KCNC2: variants seen among roughly 807,000 people sequenced by gnomAD.
The protein encoded by KCNC2 is voltage-gated potassium channel KCNC2.
In KCNC2, 21 loss-of-function variants were observed where a neutral mutation model predicts 44.5. The ratio of observed to expected loss-of-function variants is 0.47; its 90% confidence interval spans 0.33 to 0.68. The LOEUF (loss-of-function observed/expected upper bound fraction) is 0.68. Ranked by LOEUF, KCNC2 falls within the 30% of genes least tolerant of loss-of-function variation. KCNC2 has a pLI of 0.01. For missense variants in KCNC2, 589 were observed against 826.2 expected, an observed-to-expected ratio of 0.71 and a Z score of 3.52; for synonymous variants, 391 against 339.1, an observed-to-expected ratio of 1.15 and a Z score of -1.68.
intron 2 of KCNC2, among the ~76,000 whole-genome samples, chr12:75,101,425 G>A (rs1009594681): frequency 2.0e-5 from 3 of 152,028 alleles, no homozygotes; most frequent in African/African-American, 7.2e-5. Flanking sequence ...GCCACATCTT[G>A]TTTCAGAGTT....
chr12:75,068,337 G>C (rs1425816961), intron 2 of KCNC2, among the ~76,000 whole-genome samples: 2 of 152,158 alleles, frequency 1.3e-5, no homozygotes, highest in Admixed American at 1.3e-4. Flanking sequence ...GGACTTTGGG[G>C]AGAAAAGACT....
At chr12:75,093,621 G>A (rs1025845056) in intron 2 of KCNC2, among the ~76,000 whole-genome samples, 1 of 151,546 alleles carries the variant, frequency 6.6e-6, no homozygotes, top group Non-Finnish European at 1.5e-5. Flanking sequence ...TTATGAAGTG[G>A]TCAAAGATGC....
intron 2 of KCNC2, among the ~76,000 whole-genome samples, chr12:75,114,912 G>A (rs924171377): frequency 2.2e-5 from 3 of 137,204 alleles, no homozygotes. Flanking sequence ...CACCCAGGCT[G>A]GAGTGCAGTG....
At chr12:75,151,956 T>C (rs1890429994) in intron 2 of KCNC2, among the ~76,000 whole-genome samples, 2 of 146,196 alleles carry the variant, frequency 1.4e-5, no homozygotes, top group East Asian at 2.0e-4. Flanking sequence ...ATATATAATA[T>C]ATTATATATT....
At chr12:75,062,415 T>G (rs1882436802) in intron 2 of KCNC2, among the ~76,000 whole-genome samples, 1 of 152,144 alleles carries the variant, frequency 6.6e-6, no homozygotes, top group Non-Finnish European at 1.5e-5. Context: ...TTTTCATTTG[T>G]CTTCTAGATT....
chr12:75,072,450 T>C (rs1475249187), intron 2 of KCNC2, among the ~76,000 whole-genome samples: 1 of 152,198 alleles, frequency 6.6e-6, no homozygotes, highest in Non-Finnish European at 1.5e-5. Flanking sequence ...AATTATACTT[T>C]AGAAATATGT....
chr12:75,154,375 G>A (rs1249581259), intron 2 of KCNC2, among the ~76,000 whole-genome samples: 2 of 151,934 alleles, frequency 1.3e-5, no homozygotes, highest in East Asian at 1.9e-4. Flanking sequence ...CTGAGATTTA[G>A]GAAACCTTAG....
intron 2 of KCNC2, among the ~76,000 whole-genome samples, chr12:75,198,343 T>C (rs2030952808): frequency 6.6e-6 from 1 of 151,874 alleles, no homozygotes; most frequent in East Asian, 1.9e-4. Flanking sequence ...AATTATAAAG[T>C]TATAATATAT....
At chr12:75,079,084 T>G (rs1592822266) in intron 2 of KCNC2, among the ~76,000 whole-genome samples, 1 of 152,236 alleles carries the variant, frequency 6.6e-6, no homozygotes, top group East Asian at 1.9e-4. Flanking sequence ...AGAAGTAGAA[T>G]TGCTTGTTTT....
In KCNC2 at chr12:75,203,573, A is replaced by G. The variant is rs189975098; in HGVS notation, c.687+3724T>C. 5.8e-3 allele frequency among the ~76,000 whole-genome samples: 887 copies of G among 151,966 alleles called. 5 individuals carry two copies. Among genetic ancestry groups the G allele is most frequent in the Non-Finnish European group, 0.01 (689 of 67,748 alleles). ...GCTAGAAACACATCAAAAAGGCAAC[A>G]TCTTAAGTGGGGTTCCATGGCAGTT... On this transcript the variant is annotated intron_variant, in intron 2 of 4. Coordinates refer to ENST00000549446, the MANE Select transcript of KCNC2 (RefSeq NM_139137.4).
chr12:75,171,034 G>A (rs772735175), intron 2 of KCNC2, among the ~76,000 whole-genome samples: 1 of 150,438 alleles, frequency 6.6e-6, no homozygotes, highest in Non-Finnish European at 1.5e-5. Flanking sequence ...AACCACCTGG[G>A]CCTCTCACAA....
intron 2 of KCNC2, among the ~76,000 whole-genome samples, chr12:75,202,708 T>C (rs998715319): frequency 2.0e-5 from 3 of 150,734 alleles, no homozygotes; most frequent in African/African-American, 7.3e-5. Context: ...TAATATTTTG[T>C]AATAAAATAA....
At position 75,042,307 on chromosome 12, in the gene KCNC2, A is replaced by G. The variant is rs199959334; in HGVS notation, c.*798T>C. 8 of 1,611,340 alleles carry G rather than the reference A, an allele frequency of 5.0e-6. No homozygotes were observed. The highest frequency in any genetic ancestry group is 6.8e-6 in the Non-Finnish European group (8 of 1,178,390). On this transcript the variant is annotated 3_prime_UTR_variant, in exon 5 of 5. Transcript: ENST00000549446. The stretch of plus-strand genomic sequence containing the variant: ...TTCTCTCATGTTTTGTGCCTTCCCC[A>G]AGTCATTAAGTAAGAGATCTGGCCT...
At chr12:75,072,179 G>A (rs1883485549) in intron 2 of KCNC2, among the ~76,000 whole-genome samples, 1 of 152,118 alleles carries the variant, frequency 6.6e-6, no homozygotes, top group Non-Finnish European at 1.5e-5. Context: ...TGCTGCCTGT[G>A]TTGCCTGCCA....
intron 2 of KCNC2, among the ~76,000 whole-genome samples, chr12:75,190,413 G>A (rs2030083785): frequency 6.6e-6 from 1 of 152,096 alleles, no homozygotes; most frequent in Non-Finnish European, 1.5e-5. Flanking sequence ...AGTTCAGGAG[G>A]TGATGCTAAC....
intron 3 of KCNC2, among the ~76,000 whole-genome samples, chr12:75,050,024 T>A (rs1034100900): frequency 2.0e-5 from 3 of 151,884 alleles, no homozygotes; most frequent in African/African-American, 7.3e-5. Flanking sequence ...GATATGGAGA[T>A]CAACATTTTG....
chr12:75,077,827 ACT>A (rs750624472), intron 2 of KCNC2, among the ~76,000 whole-genome samples: 1 of 152,102 alleles, frequency 6.6e-6, no homozygotes, highest in South Asian at 2.1e-4. Context: ...TTGTCTAGTA[ACT>A]CTGACAAGAA....
chr12:75,042,942 A>T lies in KCNC2; in HGVS notation c.*163T>A. 1.4e-6 allele frequency: 2 copies of T among 1,407,652 alleles called. No individual in the cohort carries two copies. Among genetic ancestry groups the T allele is most frequent in the Non-Finnish European group, 1.8e-6 (2 of 1,082,500 alleles). The allele number at this position is 1,407,652 out of a possible 1,614,324, so 87.2% of individuals were successfully genotyped here. A position where few individuals can be genotyped will look rare whatever the true frequency, so the allele number is the denominator to read the frequency against. ...CTTTAAAGCCTGGGTAAGATTCATTAGCTACCCAAGTGGCATTTCTGACTT... is the reference window on the plus strand; with the variant it reads ...CTTTAAAGCCTGGGTAAGATTCATTTGCTACCCAAGTGGCATTTCTGACTT... On this transcript the variant is annotated 3_prime_UTR_variant, in exon 5 of 5. Transcript: ENST00000549446.
Position 75,041,340 on chromosome 12 carries a change from A to C in KCNC2, c.*1765T>G. The C allele has an allele frequency of 4.1e-6, 6 of 1,477,134 alleles. No homozygotes were observed. The highest frequency in any genetic ancestry group is 5.4e-6 in the Non-Finnish European group (6 of 1,114,964). The allele number at this position is 1,477,134 out of a possible 1,614,324, so 91.5% of individuals were successfully genotyped here. Reference sequence around the variant, plus strand: ...CTAAATATCATATATGTATGTCTGGATAAATACATTGCTGTACAACATCTC... The same window carrying C: ...CTAAATATCATATATGTATGTCTGGCTAAATACATTGCTGTACAACATCTC... On this transcript the variant is annotated 3_prime_UTR_variant, in exon 5 of 5. Coordinates refer to ENST00000549446, the MANE Select transcript of KCNC2 (RefSeq NM_139137.4).
Sources: gnomAD v4.1 joint callset for allele counts (sites outside exome capture counted in the v4.1 genomes callset) on GRCh38, gnomAD v4.1.1 for gene constraint, MANE v1.5 for transcripts, NCBI Gene and HGNC (gene_info 2026-07-23, HGNC 2026-07-21) for gene names.